PTPRB: variants seen among roughly 807,000 people sequenced by gnomAD.
PTPRB encodes receptor-type tyrosine-protein phosphatase beta.
PTPRB carries 97 observed loss-of-function variants against 238.1 expected under a neutral mutation model. The ratio of observed to expected loss-of-function variants is 0.41; its 90% CI spans 0.35 to 0.48. The LOEUF (loss-of-function observed/expected upper bound fraction) is 0.48. Ranked by LOEUF, PTPRB falls within the 20% of genes least tolerant of loss-of-function variation. PTPRB has a pLI of 0.30. For synonymous variants in PTPRB, 970 were observed against 995.4 expected, an observed-to-expected ratio of 0.97 and a Z score of 0.48; for missense variants, 2,292 against 2,681.9, an observed-to-expected ratio of 0.85 and a Z score of 3.21.
intron 3 of PTPRB, among the ~76,000 whole-genome samples, chr12:70,619,198 T>C (rs1032894900): frequency 1.5e-5 from 2 of 129,130 alleles, no homozygotes; most frequent in Non-Finnish European, 3.2e-5. Context: ...GTGTGTATAC[T>C]CTTCTTGGTC....
chr12:70,562,969 G>A lies in PTPRB; in HGVS notation c.4043C>T (p.Ala1348Val). The change falls in exon 16 of 34, where the codon GCT (alanine) becomes GTT (valine). Residue 1348 changes from alanine (A) to valine (V), a missense_variant. Coordinates refer to ENST00000334414, the MANE Select transcript of PTPRB (RefSeq NM_001109754.4). ...YNPDGNLQERAQVDPLVQSFS... is the reference protein window; with the variant it reads ...YNPDGNLQERVQVDPLVQSFS... ...GCTCTGGACTAGTGGGTCAACTTGA[G>A]CTCTCTCCTGGAGATTCCCATCTGG... 6.2e-7 allele frequency: 1 copy of A among 1,614,020 alleles called. No individual in the cohort carries two copies. The highest frequency in any genetic ancestry group is 8.5e-7 in the Non-Finnish European group (1 of 1,179,902).
At chr12:70,568,743 G>A (rs1879646557) in intron 14 of PTPRB, among the ~76,000 whole-genome samples, 1 of 152,240 alleles carries the variant, frequency 6.6e-6, no homozygotes, top group African/African-American at 2.4e-5. Flanking sequence ...GAGAATGGGA[G>A]ACATCTAAGA....
intron 6 of PTPRB, among the ~76,000 whole-genome samples, chr12:70,593,784 G>A (rs1013841063): frequency 2.6e-5 from 4 of 152,088 alleles, no homozygotes; most frequent in Non-Finnish European, 5.9e-5. Context: ...CTTAAAATTA[G>A]ATAACTTACC....
intron 4 of PTPRB, among the ~76,000 whole-genome samples, chr12:70,607,982 GA>G (rs35797701): frequency 0.14 from 21,461 of 149,760 alleles, 1,949 homozygotes; most frequent in Non-Finnish European, 0.21. Flanking sequence ...TTTTTTCTTT[GA>G]AAAAAAAAGA....
intron 4 of PTPRB, chr12:70,608,712 A>G (rs1427922483): frequency 1.4e-5 from 3 of 214,928 alleles, no homozygotes; most frequent in Non-Finnish European, 2.8e-5. Flanking sequence ...TATTCTAAAA[A>G]CGTTTACTTA....
chr12:70,540,155 C>T (rs960208853), intron 23 of PTPRB, 133 bp from the exon 24 acceptor site: 21 of 690,458 alleles, frequency 3.0e-5, no homozygotes, highest in Non-Finnish European at 3.8e-5. Flanking sequence ...TGCACTCAGC[C>T]AACATCTCTG....
chr12:70,526,849 A>G (rs755799919), intron 32 of PTPRB, among the ~76,000 whole-genome samples: 61 of 152,184 alleles, frequency 4.0e-4, no homozygotes, highest in Non-Finnish European at 8.1e-4. Flanking sequence ...GCTATGGCCT[A>G]TTAATAAATT....
chr12:70,608,614 C>T lies in PTPRB; in HGVS notation c.979+455G>A, dbSNP rs567086745. The T allele has an allele frequency of 3.6e-4, 57 of 157,866 alleles. No individual in the cohort carries two copies. The Middle Eastern group carries it at 0.02, about 55-fold the overall frequency. 9.8% of individuals were successfully genotyped at this position (157,866 alleles called of 1,614,324 possible). A position where few individuals can be genotyped will look rare whatever the true frequency, so the allele number is the denominator to read the frequency against. On this transcript the variant is annotated intron_variant, in intron 4 of 33. Transcript: ENST00000334414. The stretch of plus-strand genomic sequence containing the variant: ...TCTAATTTTCCCTGATGAATGGCTC[C>T]ATTCTATTCCTGCAGATTTTATGTA...
intron 2 of PTPRB, among the ~76,000 whole-genome samples, chr12:70,631,271 A>G (rs1256322627): frequency 2.6e-5 from 4 of 152,148 alleles, no homozygotes; most frequent in Non-Finnish European, 5.9e-5. Context: ...CAGAAATAAT[A>G]CCGCACATCT....
At chr12:70,625,919 C>T (rs531682594) in intron 2 of PTPRB, among the ~76,000 whole-genome samples, 2 of 152,210 alleles carry the variant, frequency 1.3e-5, no homozygotes, top group East Asian at 3.9e-4. Context: ...GTACTATCAC[C>T]TTACAAAGTG....
intron 3 of PTPRB, among the ~76,000 whole-genome samples, chr12:70,616,355 TG>T (rs1367914302): frequency 6.6e-6 from 1 of 152,258 alleles, no homozygotes; most frequent in Non-Finnish European, 1.5e-5. Flanking sequence ...TTCCTCCATC[TG>T]AATTTATCTG....
At chr12:70,562,748 T>C (rs1878658017) in intron 16 of PTPRB, 96 bp downstream of exon 16, 2 of 1,433,414 alleles carry the variant, frequency 1.4e-6, no homozygotes, top group Admixed American at 2.1e-5. Flanking sequence ...AGCTACATCC[T>C]GAATAGAATA....
chr12:70,558,261 C>T (rs556643963), intron 18 of PTPRB, among the ~76,000 whole-genome samples: 30 of 152,248 alleles, frequency 2.0e-4, no homozygotes, highest in African/African-American at 7.2e-4. Flanking sequence ...ATCCTGAGCT[C>T]GCCATAAACT....
chr12:70,620,943 C>T (rs903948487), intron 3 of PTPRB, among the ~76,000 whole-genome samples: 1 of 152,094 alleles, frequency 6.6e-6, no homozygotes, highest in Non-Finnish European at 1.5e-5. Context: ...CCTGACTTTG[C>T]CACTATGCGA....
intron 1 of PTPRB, among the ~76,000 whole-genome samples, 197 bp downstream of exon 1, chr12:70,637,144 G>A (rs944145492): frequency 2.0e-5 from 3 of 152,164 alleles, no homozygotes; most frequent in African/African-American, 7.2e-5. Flanking sequence ...TGAGAGGAGA[G>A]CATTTATTTT....
intron 2 of PTPRB, among the ~76,000 whole-genome samples, chr12:70,632,892 T>C (rs577554625): frequency 2.0e-5 from 3 of 152,316 alleles, no homozygotes; most frequent in African/African-American, 7.2e-5. Context: ...CAAAAATCAC[T>C]TGTGGAGGGC....
At position 70,635,682 on chromosome 12, in the gene PTPRB, C is replaced by T. The variant is rs1300468498; in HGVS notation, c.440G>A (p.Cys147Tyr). The change falls in exon 2 of 34, where the codon TGT becomes TAT. Residue 147 changes from cysteine (C) to tyrosine (Y), a missense_variant. Around this residue, in one of 4 missense-constraint regions of PTPRB, gnomAD observed 1,205 missense variants for 1,287.8 expected, o/e 0.94. Coordinates refer to ENST00000334414, the MANE Select transcript of PTPRB (RefSeq NM_001109754.4). ...KEGKLVNESL[C>Y]LQKAGLGAEV... is the part of the protein sequence containing the mutation. ...AAGGAATAGCTCACCTTTTTGTAAA[C>T]AGAGGCTTTCATTGACCAGTTTTCC... is the stretch of plus-strand genomic sequence containing the variant. 3 of 1,612,844 alleles carry T rather than the reference C, an allele frequency of 1.9e-6. No homozygotes were observed. The highest frequency in any genetic ancestry group is 1.3e-5 in the African/African-American group (1 of 74,824).
chr12:70,624,561 T>G (rs1885091670), intron 2 of PTPRB, among the ~76,000 whole-genome samples: 1 of 152,176 alleles, frequency 6.6e-6, no homozygotes, highest in Non-Finnish European at 1.5e-5. Flanking sequence ...AATTCTGCAG[T>G]CTTGCTTAAG....
At chr12:70,531,306 AT>A (rs35411048) in intron 32 of PTPRB, among the ~76,000 whole-genome samples, 25 of 149,008 alleles carry the variant, frequency 1.7e-4, no homozygotes, top group East Asian at 7.9e-4. Context: ...CCAACCATGG[AT>A]TTTTTTTTTT....
Sources: gnomAD v4.1 joint callset for allele counts (sites outside exome capture counted in the v4.1 genomes callset) on GRCh38, gnomAD v4.1.1 for gene constraint, gnomAD v4.1.1 regional missense constraint, MANE v1.5 for transcripts, NCBI Gene and HGNC (gene_info 2026-07-23, HGNC 2026-07-21) for gene names.